SYT7: variants seen among roughly 807,000 people sequenced by gnomAD.
SYT7 encodes synaptotagmin 7.
SYT7 carries 29 observed loss-of-function variants against 75.1 expected under a neutral mutation model. The ratio of observed to expected loss-of-function variants is 0.39; its 90% CI spans 0.29 to 0.53. The LOEUF is 0.53. Ranked by LOEUF, SYT7 falls within the 20% of genes least tolerant of loss-of-function variation. The pLI, the probability that SYT7 is intolerant of heterozygous loss-of-function variation, is 0.77. For synonymous variants in SYT7, 376 were observed against 401.7 expected (o/e 0.94, Z 0.76); for missense variants, 693 against 953.2 (o/e 0.73, Z 3.59).
At chr11:61,528,881 G>A (rs1014555033) in intron 8 of SYT7, among the ~76,000 whole-genome samples, 5 of 152,236 alleles carry the variant, frequency 3.3e-5, no homozygotes, top group African/African-American at 4.8e-5. Flanking sequence ...TGACTGTACC[G>A]TCCATGGGGG....
Position 61,576,851 on chromosome 11 carries a change from G to T in SYT7, c.31+3939C>A, listed in dbSNP as rs80277515. ...GAGACAGCCCCCACTGGCACTCCAT[G>T]TTGCCCTCAATGCCCCTTAAGCCTG... On this transcript the variant is annotated intron_variant, in intron 1 of 12. Transcript: ENST00000539008. This position sits in a 1 kb window ranked among gnomAD's most constrained non-coding sequence, Gnocchi z 4.1. Among the ~76,000 whole-genome samples, 845 of 152,220 alleles carry T rather than the reference G, an allele frequency of 5.6e-3. 7 individuals are homozygous for T. Among genetic ancestry groups the T allele is most frequent in the African/African-American group, 0.019 (795 of 41,510 alleles).
chr11:61,540,968 T>C lies in SYT7; in HGVS notation c.941+1243A>G, dbSNP rs1444278201. The C allele has an allele frequency of 1.3e-5, 13 of 985,296 alleles. No homozygotes were observed. The African/African-American group carries it at 1.6e-4, about 12-fold the overall frequency. The allele number at this position is 985,296 out of a possible 1,614,324, so 61.0% of individuals were successfully genotyped here. On this transcript the variant is annotated intron_variant, in intron 6 of 12. Transcript: ENST00000539008. The stretch of plus-strand genomic sequence containing the variant: ...GAGTGGGGTAGAGCCCCAGAGAATA[T>C]GGTGTCCTGATTTGCCAAAGAGTCA...
Position 61,542,211 on chromosome 11 carries a change from A to C in SYT7, c.941T>G (p.Leu314Arg). 6.5e-7 allele frequency: 1 copy of C among 1,533,536 alleles called. No homozygotes were observed. Among genetic ancestry groups the C allele is most frequent in the Non-Finnish European group, 8.7e-7 (1 of 1,145,770 alleles). The allele number at this position is 1,533,536 out of a possible 1,614,324, so 95.0% of individuals were successfully genotyped here. A position where few individuals can be genotyped will look rare whatever the true frequency, so the allele number is the denominator to read the frequency against. Residue 314 changes from leucine to arginine, a missense_variant and splice_region_variant, in exon 6 of 13, where the codon CTG becomes CGG. Coordinates refer to ENST00000539008, the MANE Select transcript of SYT7 (RefSeq NM_001365809.2). The surrounding 1 kb of genome is among the most constrained non-coding windows in gnomAD (Gnocchi z 7.8). ...CGGCCCGCTCAAGGGGAGGACTTAC[A>C]GGAAGGATTTCATGTCCAAGCCTCG... The part of the protein sequence containing the change: ...RNRGLDMKSF[L>R]EGRMVVLSLV...
chr11:61,533,235 CGGCGG>C lies in SYT7; in HGVS notation c.1065-116_1065-112del. The C allele has an allele frequency of 2.7e-6, 4 of 1,460,548 alleles. No homozygotes were observed. The South Asian group carries it at 5.6e-5, about 20-fold the overall frequency. The allele number at this position is 1,460,548 out of a possible 1,614,324, so 90.5% of individuals were successfully genotyped here. On this transcript the variant is annotated intron_variant, in intron 7 of 12. Transcript: ENST00000539008. ...TGAAGACCCCAGCAGCTGCCATGCC[CGGCGG>C]GCCGGCAGGAGCGGTACTCCAGTCC...
At chr11:61,570,985 C>G (rs567849883) in intron 1 of SYT7, among the ~76,000 whole-genome samples, 1 of 152,304 alleles carries the variant, frequency 6.6e-6, no homozygotes, top group African/African-American at 2.4e-5. Flanking sequence ...CCAACAGCCC[C>G]ATGACGGTGC....
chr11:61,568,587 C>A (rs2063837243), intron 1 of SYT7, among the ~76,000 whole-genome samples: 1 of 152,286 alleles, frequency 6.6e-6, no homozygotes, highest in East Asian at 1.9e-4. Context: ...GTGCAGCCAG[C>A]GAGTGCTGAG....
chr11:61,554,290 A>ACACACC (rs1004654039), intron 2 of SYT7, among the ~76,000 whole-genome samples: 1 of 152,092 alleles, frequency 6.6e-6, no homozygotes, highest in African/African-American at 2.4e-5. Flanking sequence ...CTCTCACCAC[A>ACACACC]CACACCCACA....
rs564938245 is a variant in SYT7, at chr11:61,523,763, G to T, written c.1756+64C>A. ...CTGCAGACCCTGCTCTCCACATCCGGTGTAAACCTTGTGTCACCAGCACCT... is the reference window on the plus strand; with the variant it reads ...CTGCAGACCCTGCTCTCCACATCCGTTGTAAACCTTGTGTCACCAGCACCT... On this transcript the variant is annotated intron_variant, in intron 11 of 12. Coordinates refer to ENST00000539008, the MANE Select transcript of SYT7 (RefSeq NM_001365809.2). The surrounding 1 kb of genome is among the most constrained non-coding windows in gnomAD (Gnocchi z 5.0). The T allele has an allele frequency of 2.0e-6, 3 of 1,498,816 alleles. No homozygotes were observed. Among genetic ancestry groups the T allele is most frequent in the Non-Finnish European group, 2.8e-6 (3 of 1,080,390 alleles). The allele number at this position is 1,498,816 out of a possible 1,614,324, so 92.8% of individuals were successfully genotyped here.
rs886701609 is a variant in SYT7 at position 61,580,120 on chromosome 11, G to A, written c.31+670C>T. Among the ~76,000 whole-genome samples, 6 of 151,914 alleles carry A rather than the reference G, an allele frequency of 3.9e-5. No individual in the cohort carries two copies. Among genetic ancestry groups the A allele is most frequent in the African/African-American group, 1.5e-4 (6 of 41,328 alleles). Reference sequence around the variant, plus strand: ...GGCCCTCCCCCACCCCAGGACGGGAGAGAGTTTGGGGTTGTTTGCTTCCCC... The same window carrying A: ...GGCCCTCCCCCACCCCAGGACGGGAAAGAGTTTGGGGTTGTTTGCTTCCCC... On this transcript the variant is annotated intron_variant, in intron 1 of 12. Transcript: ENST00000539008. This position sits in a 1 kb window ranked among gnomAD's most constrained non-coding sequence, Gnocchi z 6.1.
Position 61,553,091 on chromosome 11 carries a change from G to A in SYT7, c.136-1628C>T, listed in dbSNP as rs1025180771. Among the ~76,000 whole-genome samples, 2 of 152,130 alleles carry A rather than the reference G, an allele frequency of 1.3e-5. No homozygotes were observed. Among genetic ancestry groups the A allele is most frequent in the Non-Finnish European group, 2.9e-5 (2 of 68,026 alleles). ...GCCCCCAGCAGCGACCTCTAAGTCA[G>A]AACTTTAAGAGTTGAAATATAGAGA... is the stretch of plus-strand genomic sequence containing the variant. On this transcript the variant is annotated intron_variant, in intron 2 of 12. Transcript: ENST00000539008. This position sits in a 1 kb window ranked among gnomAD's most constrained non-coding sequence, Gnocchi z 5.2.
rs958347808 is a variant in SYT7 at position 61,523,480 on chromosome 11, A to G, written c.1757-206T>C. Reference sequence around the variant, plus strand: ...ACCTGGGGCCCTCCTATTACTACCAATGAGGAAACTGAGCCCCAGAGAGGC... The same window carrying G: ...ACCTGGGGCCCTCCTATTACTACCAGTGAGGAAACTGAGCCCCAGAGAGGC... On this transcript the variant is annotated intron_variant, in intron 11 of 12. Transcript: ENST00000539008. The surrounding 1 kb of genome is among the most constrained non-coding windows in gnomAD (Gnocchi z 5.0). Among the ~76,000 whole-genome samples the G allele has an allele frequency of 1.3e-5, 2 of 152,076 alleles. No homozygotes were observed. Among genetic ancestry groups the G allele is most frequent in the African/African-American group, 2.4e-5 (1 of 41,400 alleles).
chr11:61,536,048 T>C (rs1052886089), intron 7 of SYT7, among the ~76,000 whole-genome samples: 2 of 151,866 alleles, frequency 1.3e-5, no homozygotes, highest in African/African-American at 2.4e-5. Flanking sequence ...GAAGGAAGCA[T>C]TGGATTCTGG....
chr11:61,533,120 G>A lies in SYT7; in HGVS notation c.1069C>T (p.Pro357Ser). The change falls in exon 8 of 13, where the codon CCT becomes TCT. Residue 357 changes from proline to serine, a missense_variant. Pro to Ser is a moderately conservative substitution (Grantham distance 74). Coordinates refer to ENST00000539008, the MANE Select transcript of SYT7 (RefSeq NM_001365809.2). ...GTGTTCACCGCCTTCCCTCCTGCAGGCAACCTGAGGGCAGGGGAGTCCAAA... is the reference window on the plus strand; with the variant it reads ...GTGTTCACCGCCTTCCCTCCTGCAGACAACCTGAGGGCAGGGGAGTCCAAA... Reference protein sequence around the residue: ...NQNAQGDKRLPAGGKAVNTAP... With the variant: ...NQNAQGDKRLSAGGKAVNTAP... 1 of 1,595,244 alleles carries A rather than the reference G, an allele frequency of 6.3e-7. No individual in the cohort carries two copies. The highest frequency in any genetic ancestry group is 8.5e-7 in the Non-Finnish European group (1 of 1,171,224).
At position 61,523,755 on chromosome 11, in the gene SYT7, C is replaced by T. The variant is rs2062421786; in HGVS notation, c.1756+72G>A. On this transcript the variant is annotated intron_variant, in intron 11 of 12. Coordinates refer to ENST00000539008, the MANE Select transcript of SYT7 (RefSeq NM_001365809.2). The surrounding 1 kb of genome is among the most constrained non-coding windows in gnomAD (Gnocchi z 5.0). ...GAGGACCACTGCAGACCCTGCTCTCCACATCCGGTGTAAACCTTGTGTCAC... is the reference window on the plus strand; with the variant it reads ...GAGGACCACTGCAGACCCTGCTCTCTACATCCGGTGTAAACCTTGTGTCAC... The T allele has an allele frequency of 6.9e-7, 1 of 1,456,126 alleles. No individual in the cohort carries two copies. The highest frequency in any genetic ancestry group is 1.2e-5 in the South Asian group (1 of 83,018). The allele number at this position is 1,456,126 out of a possible 1,614,324, so 90.2% of individuals were successfully genotyped here. A position where few individuals can be genotyped will look rare whatever the true frequency, so the allele number is the denominator to read the frequency against.
chr11:61,523,319 G>C lies in SYT7; in HGVS notation c.1757-45C>G. On this transcript the variant is annotated intron_variant, in intron 11 of 12. Coordinates refer to ENST00000539008, the MANE Select transcript of SYT7 (RefSeq NM_001365809.2). The surrounding 1 kb of genome is among the most constrained non-coding windows in gnomAD (Gnocchi z 5.0). ...AGGGTTAGAGGGACCGTGGGGGAGGGACTTCCTAGGATCCTTTTCCCCTTC... is the reference window on the plus strand; with the variant it reads ...AGGGTTAGAGGGACCGTGGGGGAGGCACTTCCTAGGATCCTTTTCCCCTTC... The C allele has an allele frequency of 6.4e-7, 1 of 1,564,312 alleles. No homozygotes were observed. Among genetic ancestry groups the C allele is most frequent in the Non-Finnish European group, 8.8e-7 (1 of 1,135,700 alleles).
intron 1 of SYT7, among the ~76,000 whole-genome samples, chr11:61,570,051 C>T (rs552809190): frequency 2.6e-5 from 4 of 152,384 alleles, no homozygotes; most frequent in African/African-American, 9.6e-5. Context: ...CTGGGCCACA[C>T]AGCAACACGA....
At chr11:61,526,635 G>A (rs777977665) in intron 9 of SYT7, 1 of 152,208 alleles carries the variant, frequency 6.6e-6, no homozygotes, top group East Asian at 1.9e-4. Context: ...CATGGCTGTT[G>A]CTGGGTACAT....
Position 61,551,444 on chromosome 11 carries a change from G to A in SYT7, c.155C>T (p.Ser52Phe). The part of the protein sequence containing the change: ...QRKLGKRYKN[S>F]LETVGTPDSG... ...GTCTGGCGTGCCCACCGTCTCCAAG[G>A]AATTCTTGTAGCGTTTGCCCTGTGG... The change falls in exon 3 of 13, where the codon TCC becomes TTC. Residue 52 changes from serine to phenylalanine, a missense_variant. Around this residue, in one of 2 missense-constraint regions of SYT7, gnomAD observed 487 missense variants for 593.2 expected, o/e 0.82. Coordinates refer to ENST00000539008, the MANE Select transcript of SYT7 (RefSeq NM_001365809.2). This position sits in a 1 kb window ranked among gnomAD's most constrained non-coding sequence, Gnocchi z 5.3. 1 of 1,613,872 alleles carries A rather than the reference G, an allele frequency of 6.2e-7. No individual in the cohort carries two copies. The highest frequency in any genetic ancestry group is 8.5e-7 in the Non-Finnish European group (1 of 1,179,948).
rs1740815353 is a variant in SYT7 at position 61,523,013 on chromosome 11, T to C, written c.1956+62A>G. 1 of 1,580,830 alleles carries C rather than the reference T, an allele frequency of 6.3e-7. No homozygotes were observed. Among genetic ancestry groups the C allele is most frequent in the Non-Finnish European group, 8.7e-7 (1 of 1,151,514 alleles). ...GCCCGTCCACTACCCCCGCTGCTTC[T>C]TTTAAGGAACGGAGCCTCACTGGTG... On this transcript the variant is annotated intron_variant, in intron 12 of 12. Transcript: ENST00000539008. The surrounding 1 kb of genome is among the most constrained non-coding windows in gnomAD (Gnocchi z 5.0).
Sources: gnomAD v4.1 joint callset for allele counts (sites outside exome capture counted in the v4.1 genomes callset) on GRCh38, gnomAD v4.1.1 for gene constraint, gnomAD v4.1.1 regional missense constraint, Gnocchi (gnomAD v3.1) non-coding constraint, MANE v1.5 for transcripts, NCBI Gene and HGNC (gene_info 2026-07-23, HGNC 2026-07-21) for gene names.